The following SPMAP2L variants were observed in gnomAD, a reference collection of about 807,000 sequenced individuals.
The protein encoded by SPMAP2L is sperm microtubule associated protein 2-like.
chr4:56,574,030 G>A, the SPMAP2L span, among the ~76,000 whole-genome samples: 1 of 152,178 alleles, frequency 6.6e-6, no homozygotes, highest in African/African-American at 2.4e-5. Flanking sequence ...ACTGCAATTT[G>A]AGTTAACATT....
the SPMAP2L span, among the ~76,000 whole-genome samples, chr4:56,568,450 AAC>A: frequency 3.0e-4 from 46 of 152,252 alleles, no homozygotes; most frequent in African/African-American, 1.1e-3. Flanking sequence ...CTTATTTCTA[AAC>A]AGTTTGATCT....
chr4:56,574,890 G>A, the SPMAP2L span, among the ~76,000 whole-genome samples: 3 of 152,174 alleles, frequency 2.0e-5, no homozygotes, highest in South Asian at 6.2e-4. Context: ...GCTGAGGTAG[G>A]AGGATCACTT....
chr4:56,553,154 T>C, the SPMAP2L span, among the ~76,000 whole-genome samples: 1 of 148,762 alleles, frequency 6.7e-6, no homozygotes, highest in Non-Finnish European at 1.5e-5. Context: ...TGAGTCAAGC[T>C]TGAATATTTT....
At chr4:56,545,456 A>G in the SPMAP2L span, among the ~76,000 whole-genome samples, 12 of 152,260 alleles carry the variant, frequency 7.9e-5, no homozygotes, top group Admixed American at 7.2e-4. Flanking sequence ...TTTCATGGCT[A>G]CGTGTGGTGA....
chr4:56,590,076 G>A, the SPMAP2L span, among the ~76,000 whole-genome samples: 2 of 152,082 alleles, frequency 1.3e-5, no homozygotes, highest in African/African-American at 4.8e-5. Context: ...GTGAGAGTGG[G>A]CATCCTTGTA....
the SPMAP2L span, among the ~76,000 whole-genome samples, chr4:56,622,440 T>G: frequency 6.6e-6 from 1 of 152,254 alleles, no homozygotes; most frequent in African/African-American, 2.4e-5. Context: ...TATTTCACTC[T>G]TTATAGGCAA....
chr4:56,613,413 G>A, the SPMAP2L span, among the ~76,000 whole-genome samples: 4 of 152,126 alleles, frequency 2.6e-5, no homozygotes, highest in Admixed American at 2.6e-4. Context: ...GGCTTGGTAT[G>A]GTGGGGAGCA....
At chr4:56,614,307 T>A in the SPMAP2L span, among the ~76,000 whole-genome samples, 2 of 152,248 alleles carry the variant, frequency 1.3e-5, no homozygotes, top group South Asian at 4.2e-4. Flanking sequence ...TGGAAAAATA[T>A]AAGTCATGTT....
chr4:56,557,787 G>C, the SPMAP2L span: 1 of 152,176 alleles, frequency 6.6e-6, no homozygotes, highest in Admixed American at 6.5e-5. Flanking sequence ...CTGGGGTCAA[G>C]TCCTGGATAT....
At chr4:56,617,704 C>A in the SPMAP2L span, among the ~76,000 whole-genome samples, 9 of 152,190 alleles carry the variant, frequency 5.9e-5, no homozygotes, top group Non-Finnish European at 1.5e-5. Context: ...GACCCCCTTC[C>A]TTATCACAAG....
chr4:56,557,453 G>A, the SPMAP2L span, among the ~76,000 whole-genome samples: 1 of 152,138 alleles, frequency 6.6e-6, no homozygotes, highest in African/African-American at 2.4e-5. Context: ...AAAGTTTGAA[G>A]GCTGATTTCT....
At chr4:56,583,841 T>A in the SPMAP2L span, among the ~76,000 whole-genome samples, 3 of 152,346 alleles carry the variant, frequency 2.0e-5, no homozygotes, top group Middle Eastern at 3.4e-3. Flanking sequence ...CCAGTTTTTT[T>A]ATAATGAAAT....
the SPMAP2L span, among the ~76,000 whole-genome samples, chr4:56,556,981 G>T: frequency 1.3e-5 from 2 of 152,074 alleles, no homozygotes; most frequent in African/African-American, 4.8e-5. Context: ...GGGTGTGGTG[G>T]CTCACGCCTG....
the SPMAP2L span, among the ~76,000 whole-genome samples, chr4:56,615,148 T>C: frequency 1.3e-5 from 2 of 152,226 alleles, no homozygotes; most frequent in African/African-American, 2.4e-5. Flanking sequence ...CAGGCTGCTC[T>C]GATTTGTGAC....
the SPMAP2L span, chr4:56,595,508 C>A: frequency 6.5e-7 from 1 of 1,536,380 alleles, no homozygotes; most frequent in Admixed American, 1.7e-5. Context: ...TCTCCACACT[C>A]CCTGACCTGC....
chr4:56,531,634 G>A, the SPMAP2L span, among the ~76,000 whole-genome samples: 1 of 152,150 alleles, frequency 6.6e-6, no homozygotes, highest in African/African-American at 2.4e-5. Flanking sequence ...GTCACATGTG[G>A]AAACAAAGCA....
At chr4:56,616,511 G>C in the SPMAP2L span, among the ~76,000 whole-genome samples, 1 of 152,048 alleles carries the variant, frequency 6.6e-6, no homozygotes, top group East Asian at 1.9e-4. Context: ...AACCATTGTG[G>C]GTTCACCAAG....
At chr4:56,622,862 T>C in the SPMAP2L span, among the ~76,000 whole-genome samples, 1 of 152,224 alleles carries the variant, frequency 6.6e-6, no homozygotes, top group South Asian at 2.1e-4. Context: ...TTTCTGACTT[T>C]GAGCCTTTTT....
chr4:56,612,043 T>C, the SPMAP2L span, among the ~76,000 whole-genome samples: 1 of 152,212 alleles, frequency 6.6e-6, no homozygotes, highest in Non-Finnish European at 1.5e-5. Flanking sequence ...GGGTGGTCTT[T>C]GTTTATTTTC....
Sources: gnomAD v4.1 joint callset for allele counts (sites outside exome capture counted in the v4.1 genomes callset) on GRCh38, gnomAD v4.1.1 for gene constraint, MANE v1.5 for transcripts, NCBI Gene and HGNC (gene_info 2026-07-23, HGNC 2026-07-21) for gene names.